The following STK32A variants were observed in gnomAD, a reference collection of about 807,000 sequenced individuals.
The protein encoded by STK32A is serine/threonine-protein kinase 32A.
A neutral mutation model predicts 53.2 loss-of-function variants in STK32A; 41 were observed. The observed-to-expected ratio is 0.77, with a 90% CI of 0.60 to 1.00. STK32A has a LOEUF of 1.00. Among genes scored for constraint, STK32A ranks in the 50% least tolerant of loss-of-function variants. The pLI is 0.00. For missense variants in STK32A, 458 were observed against 485.8 expected, an observed-to-expected ratio of 0.94 and a Z score of 0.54; for synonymous variants, 166 against 162.8, an observed-to-expected ratio of 1.02 and a Z score of -0.15.
At chr5:147,314,271 G>T (rs937995399) in intron 4 of STK32A, among the ~76,000 whole-genome samples, 1 of 152,060 alleles carries the variant, frequency 6.6e-6, no homozygotes, top group Admixed American at 6.5e-5. Context: ...GCCAAGGTGG[G>T]TGGATCACCT....
chr5:147,239,601 T>C lies in STK32A; in HGVS notation c.-34T>C. The C allele has an allele frequency of 6.4e-7, 1 of 1,565,148 alleles. No individual in the cohort carries two copies. The highest frequency in any genetic ancestry group is 1.4e-5 in the African/African-American group (1 of 73,494). ...GATGGGTGTTTCTGCCCGGATAGTA[T>C]AAATCGAGGATCCAGGTCTGGGCAG... On this transcript the variant is annotated 5_prime_UTR_variant, in exon 2 of 13. An upstream open reading frame in the 5' UTR loses its in-frame stop. Coordinates refer to ENST00000397936, the MANE Select transcript of STK32A (RefSeq NM_001112724.2).
chr5:147,355,813 A>ATATATAT (rs1756211360), intron 7 of STK32A, among the ~76,000 whole-genome samples: 1 of 139,376 alleles, frequency 7.2e-6, no homozygotes, highest in African/African-American at 3.2e-5. Flanking sequence ...TATATATATA[A>ATATATAT]ATAAGTTCAC....
the STK32A span, among the ~76,000 whole-genome samples, chr5:147,398,854 C>G: frequency 1.3e-4 from 20 of 152,170 alleles, no homozygotes; most frequent in Non-Finnish European, 2.1e-4. Flanking sequence ...GAGAGGAAGC[C>G]TCTATTGGCC....
At chr5:147,276,346 A>C (rs1241660623) in intron 2 of STK32A, among the ~76,000 whole-genome samples, 1 of 152,220 alleles carries the variant, frequency 6.6e-6, no homozygotes, top group Non-Finnish European at 1.5e-5. Context: ...AGGCAGTACT[A>C]TGCTTACTAC....
rs141503706 is a variant in STK32A, at chr5:147,267,396, G to A, written c.53-10728G>A. The stretch of plus-strand genomic sequence containing the variant: ...CACAATATTAAAATCATGGAACTTG[G>A]AGCCACAAAAAGTCAGATTTAAGTC... On this transcript the variant is annotated intron_variant, in intron 2 of 12. Coordinates refer to ENST00000397936, the MANE Select transcript of STK32A (RefSeq NM_001112724.2). Among the ~76,000 whole-genome samples, 16 of 152,214 alleles carry A rather than the reference G, an allele frequency of 1.1e-4. No homozygotes were observed. In the East Asian group the frequency reaches 2.5e-3, roughly 24 times the overall value.
At chr5:147,333,819 G>A (rs1399422308) in intron 5 of STK32A, among the ~76,000 whole-genome samples, 1 of 152,048 alleles carries the variant, frequency 6.6e-6, no homozygotes, top group African/African-American at 2.4e-5. Context: ...CATTAAGAAA[G>A]AACAATAATC....
intron 7 of STK32A, among the ~76,000 whole-genome samples, chr5:147,355,396 C>T (rs879264277): frequency 1.3e-5 from 2 of 152,062 alleles, no homozygotes; most frequent in Non-Finnish European, 2.9e-5. Context: ...CCTTCTCGGC[C>T]GGGCGCGGTG....
intron 9 of STK32A, among the ~76,000 whole-genome samples, chr5:147,372,041 G>T (rs1424285776): frequency 6.6e-6 from 1 of 152,040 alleles, no homozygotes; most frequent in Non-Finnish European, 1.5e-5. Context: ...CATGAGGGTA[G>T]GGACCATGTC....
chr5:147,295,328 T>C (rs946402091), intron 4 of STK32A, among the ~76,000 whole-genome samples: 6 of 152,254 alleles, frequency 3.9e-5, no homozygotes, highest in African/African-American at 1.4e-4. Context: ...TTATTCATTC[T>C]TAACAATTAT....
In STK32A at chr5:147,273,209, T is replaced by C. The variant is rs142508796; in HGVS notation, c.53-4915T>C. 5.3e-5 allele frequency among the ~76,000 whole-genome samples: 8 copies of C among 152,216 alleles called. No homozygotes were observed. The East Asian group carries it at 1.5e-3, about 29-fold the overall frequency. On this transcript the variant is annotated intron_variant, in intron 2 of 12. Coordinates refer to ENST00000397936, the MANE Select transcript of STK32A (RefSeq NM_001112724.2). ...GGTAAGTGAAATAAAACAAAGGAAA[T>C]AAAAAGTATCATCACTGGGTTTCAG...
At chr5:147,261,122 G>C (rs531466636) in intron 2 of STK32A, among the ~76,000 whole-genome samples, 58 of 152,248 alleles carry the variant, frequency 3.8e-4, no homozygotes, top group East Asian at 1.9e-3. Flanking sequence ...ACAAGGGGAC[G>C]GGGTGCACCT....
intron 11 of STK32A, among the ~76,000 whole-genome samples, chr5:147,381,879 C>G (rs1166115264): frequency 6.6e-6 from 1 of 152,128 alleles, no homozygotes; most frequent in East Asian, 1.9e-4. Flanking sequence ...GATGTCCAAT[C>G]TTTTGGCTTC....
At chr5:147,282,275 G>A (rs2151956477) in intron 4 of STK32A, among the ~76,000 whole-genome samples, 1 of 152,286 alleles carries the variant, frequency 6.6e-6, no homozygotes, top group African/African-American at 2.4e-5. Flanking sequence ...CTCCAACTGT[G>A]GAAGTAGGAA....
chr5:147,380,329 A>G (rs1390219853), intron 11 of STK32A, among the ~76,000 whole-genome samples: 1 of 152,168 alleles, frequency 6.6e-6, no homozygotes, highest in African/African-American at 2.4e-5. Context: ...AGAGTGAAAT[A>G]CAGCAGAACT....
intron 7 of STK32A, among the ~76,000 whole-genome samples, chr5:147,351,519 C>CT (rs1222948286): frequency 6.6e-6 from 1 of 151,910 alleles, no homozygotes; most frequent in African/African-American, 2.4e-5. Flanking sequence ...GATCCTGGAG[C>CT]TTACATTCTA....
At chr5:147,259,831 C>CTA (rs886537396) in intron 2 of STK32A, among the ~76,000 whole-genome samples, 1 of 146,538 alleles carries the variant, frequency 6.8e-6, no homozygotes, top group African/African-American at 2.5e-5. Flanking sequence ...TCTCTTGTTT[C>CTA]TCTCTCCTCT....
intron 4 of STK32A, among the ~76,000 whole-genome samples, chr5:147,307,141 G>C: frequency 6.6e-6 from 1 of 151,772 alleles, no homozygotes; most frequent in East Asian, 1.9e-4. Context: ...TATATATATG[G>C]AATGAGCTGT....
chr5:147,313,715 C>T (rs571503065), intron 4 of STK32A, among the ~76,000 whole-genome samples: 4 of 152,218 alleles, frequency 2.6e-5, no homozygotes, highest in African/African-American at 9.6e-5. Flanking sequence ...ATAGGGTGGT[C>T]CTGGCATAAG....
intron 4 of STK32A, among the ~76,000 whole-genome samples, chr5:147,286,321 A>C (rs1162666833): frequency 5.3e-5 from 8 of 152,136 alleles, no homozygotes; most frequent in African/African-American, 1.9e-4. Context: ...AATGTGGTGT[A>C]GTGTATACTG....
Sources: gnomAD v4.1 joint callset for allele counts (sites outside exome capture counted in the v4.1 genomes callset) on GRCh38, gnomAD v4.1.1 for gene constraint, MANE v1.5 for transcripts, NCBI Gene and HGNC (gene_info 2026-07-23, HGNC 2026-07-21) for gene names.